The following CAPZB variants were observed in gnomAD, a reference collection of about 807,000 sequenced individuals.
CAPZB encodes capping actin protein of muscle Z-line subunit beta.
CAPZB carries 2 observed loss-of-function variants against 38.1 expected under a neutral mutation model. The observed-to-expected ratio is 0.05, with a 90% CI of 0.02 to 0.17. CAPZB has a LOEUF of 0.17. CAPZB is among the 10% of genes least tolerant of loss of function. The pLI is 1.00. For missense variants in CAPZB, 161 were observed against 334.2 expected (o/e 0.48, Z 4.04); for synonymous variants, 107 against 127.4 (o/e 0.84, Z 1.08).
intron 1 of CAPZB, among the ~76,000 whole-genome samples, chr1:19,465,605 T>C (rs967630317): frequency 6.6e-6 from 1 of 152,154 alleles, no homozygotes; most frequent in East Asian, 1.9e-4. Flanking sequence ...ATGGCTCAGG[T>C]AGAAGTGGTG....
chr1:19,366,460 C>T (rs866265337), intron 4 of CAPZB, among the ~76,000 whole-genome samples: 2 of 151,584 alleles, frequency 1.3e-5, no homozygotes, highest in East Asian at 3.9e-4. Flanking sequence ...AAGCCGAGGC[C>T]GGCAGATCAC....
intron 4 of CAPZB, among the ~76,000 whole-genome samples, chr1:19,375,841 T>G (rs1024793244): frequency 1.3e-5 from 2 of 152,204 alleles, no homozygotes; most frequent in East Asian, 3.8e-4. Flanking sequence ...AGCTGCCAAA[T>G]GGAATAACTC....
chr1:19,422,002 C>G (rs1468602707), intron 1 of CAPZB, among the ~76,000 whole-genome samples: 1 of 152,126 alleles, frequency 6.6e-6, no homozygotes, highest in Admixed American at 6.5e-5. Context: ...TCTTGCTCCC[C>G]TTAAACTAGA....
intron 1 of CAPZB, among the ~76,000 whole-genome samples, chr1:19,485,052 G>A (rs1054027628): frequency 1.3e-5 from 2 of 152,084 alleles, no homozygotes; most frequent in African/African-American, 2.4e-5. Context: ...AGAGACGGGG[G>A]AAAGCAGACC....
intron 4 of CAPZB, among the ~76,000 whole-genome samples, chr1:19,377,583 C>T (rs1446290753): frequency 6.6e-6 from 1 of 152,196 alleles, no homozygotes; most frequent in Non-Finnish European, 1.5e-5. Context: ...GAAAACAAAC[C>T]AAGAAGCAGC....
In CAPZB at chr1:19,423,250, G is replaced by A. The variant is rs114412112; in HGVS notation, c.4-3500C>T. Among the ~76,000 whole-genome samples the A allele has an allele frequency of 8.7e-3, 1,324 of 152,264 alleles. 16 individuals are homozygous for A. The highest frequency in any genetic ancestry group is 0.029 in the African/African-American group (1,201 of 41,528). Reference sequence around the variant, plus strand: ...ATGCTTCCCATAAGTGAAGCAACATGGGAAAGCTTAATGACAGCTTTTAAG... The same window carrying A: ...ATGCTTCCCATAAGTGAAGCAACATAGGAAAGCTTAATGACAGCTTTTAAG... On this transcript the variant is annotated intron_variant, in intron 1 of 8. Coordinates refer to ENST00000264202, the MANE Select transcript of CAPZB (RefSeq NM_004930.5).
intron 2 of CAPZB, among the ~76,000 whole-genome samples, chr1:19,406,568 G>C (rs1432874236): frequency 6.6e-6 from 1 of 152,184 alleles, no homozygotes; most frequent in East Asian, 1.9e-4. Context: ...TCCTGGGGCA[G>C]CTTTGGGCAC....
chr1:19,432,963 C>T (rs531905871), intron 1 of CAPZB, among the ~76,000 whole-genome samples: 5 of 152,310 alleles, frequency 3.3e-5, no homozygotes, highest in Admixed American at 6.5e-5. Context: ...GGATTACAGA[C>T]GGTATTCTCA....
intron 1 of CAPZB, among the ~76,000 whole-genome samples, chr1:19,459,927 C>A (rs1227380909): frequency 2.0e-5 from 3 of 152,160 alleles, no homozygotes. Flanking sequence ...CAGTTGCAGT[C>A]CTTGTGTTCA....
chr1:19,419,638 A>T, intron 2 of CAPZB, 23 bp downstream of exon 2: 1 of 1,435,854 alleles, frequency 7.0e-7, no homozygotes, highest in Non-Finnish European at 9.7e-7. Context: ...TCTCAAATGG[A>T]ACCATATGAA....
At chr1:19,393,484 A>G (rs1490006155) in intron 2 of CAPZB, among the ~76,000 whole-genome samples, 2 of 152,112 alleles carry the variant, frequency 1.3e-5, no homozygotes, top group South Asian at 2.1e-4. Context: ...GGATGAGAAA[A>G]CCCAGGCACG....
chr1:19,447,627 G>A (rs1354930744), intron 1 of CAPZB, among the ~76,000 whole-genome samples: 1 of 152,138 alleles, frequency 6.6e-6, no homozygotes, highest in African/African-American at 2.4e-5. Flanking sequence ...TTGTGTGCAT[G>A]CAGCAATCCA....
At chr1:19,477,002 C>G (rs2094609258) in intron 1 of CAPZB, among the ~76,000 whole-genome samples, 2 of 152,220 alleles carry the variant, frequency 1.3e-5, no homozygotes, top group South Asian at 4.1e-4. Context: ...GGCCCTTCAG[C>G]AAGTTACTAC....
intron 1 of CAPZB, among the ~76,000 whole-genome samples, chr1:19,469,221 G>T (rs1163177917): frequency 6.6e-6 from 1 of 152,190 alleles, no homozygotes; most frequent in Non-Finnish European, 1.5e-5. Context: ...AGGCAGGGAA[G>T]GGGGAGCCAC....
chr1:19,481,728 CAA>C (rs1471321696), intron 1 of CAPZB, among the ~76,000 whole-genome samples: 1 of 152,202 alleles, frequency 6.6e-6, no homozygotes, highest in African/African-American at 2.4e-5. Context: ...ATGGCAGACA[CAA>C]GAGAAGACAC....
chr1:19,405,489 G>A (rs1167793290), intron 2 of CAPZB, among the ~76,000 whole-genome samples: 2 of 132,642 alleles, frequency 1.5e-5, no homozygotes, highest in African/African-American at 5.8e-5. Flanking sequence ...AACACCTGAT[G>A]TACATATCTC....
At chr1:19,358,248 C>T (rs755103190) in intron 4 of CAPZB, among the ~76,000 whole-genome samples, 1 of 152,236 alleles carries the variant, frequency 6.6e-6, no homozygotes, top group African/African-American at 2.4e-5. Flanking sequence ...AACGATTCTC[C>T]TGCCTCAACC....
chr1:19,342,954 C>G lies in CAPZB; in HGVS notation c.731+1404G>C, dbSNP rs1268112935. 6.1e-6 allele frequency: 5 copies of G among 813,814 alleles called. No homozygotes were observed. The East Asian group carries it at 1.2e-4, about 20-fold the overall frequency. 50.4% of individuals were successfully genotyped at this position (813,814 alleles called of 1,614,324 possible). A position where few individuals can be genotyped will look rare whatever the true frequency, so the allele number is the denominator to read the frequency against. On this transcript the variant is annotated intron_variant, in intron 8 of 8. Coordinates refer to ENST00000264202, the MANE Select transcript of CAPZB (RefSeq NM_004930.5). ...GGGGGCCACAGCTGAGGAGGAAATT[C>G]AGGGAGACCCACGAGGCGGAAGGGG...
intron 1 of CAPZB, chr1:19,484,062 A>G: frequency 1.1e-6 from 1 of 904,580 alleles, no homozygotes. Context: ...AAGTGGCAGG[A>G]GGGCAGGTCT....
Sources: allele counts gnomAD v4.1 joint callset (sites outside exome capture counted in the v4.1 genomes callset), GRCh38; gene constraint gnomAD v4.1.1; transcripts MANE v1.5; gene names NCBI Gene and HGNC (gene_info 2026-07-23, HGNC 2026-07-21).